SLC35F4: variants seen among roughly 807,000 people sequenced by gnomAD.
SLC35F4 encodes the protein chromosome 14 open reading frame 36.
In SLC35F4, 24 loss-of-function variants were observed where a neutral mutation model predicts 44.2. The ratio of observed to expected loss-of-function variants is 0.54; its 90% confidence interval spans 0.39 to 0.76. SLC35F4 has a LOEUF of 0.76. Among genes scored for constraint, SLC35F4 ranks in the 30% least tolerant of loss-of-function variants. The pLI is 0.00. For synonymous variants in SLC35F4, 238 were observed against 223.6 expected (o/e 1.06, Z -0.57); for missense variants, 562 against 586.1 (o/e 0.96, Z 0.42).
chr14:57,824,094 T>C (rs1883467178), intron 1 of SLC35F4, among the ~76,000 whole-genome samples: 1 of 152,176 alleles, frequency 6.6e-6, no homozygotes, highest in African/African-American at 2.4e-5. Flanking sequence ...TTAGATGATC[T>C]TTACTAGCCC....
chr14:57,683,531 G>A (rs1257502559), intron 1 of SLC35F4, among the ~76,000 whole-genome samples: 1 of 152,084 alleles, frequency 6.6e-6, no homozygotes, highest in Non-Finnish European at 1.5e-5. Flanking sequence ...ACTTGTCTAA[G>A]GGCTGGGTAT....
chr14:57,850,198 C>T (rs1003754), intron 1 of SLC35F4, among the ~76,000 whole-genome samples: 45,203 of 151,994 alleles, frequency 0.3, 8,776 homozygotes, highest in East Asian at 0.71. Context: ...AAAGTTGCAA[C>T]GTCAAGCAAA....
intron 1 of SLC35F4, among the ~76,000 whole-genome samples, chr14:57,924,536 C>T (rs929658933): frequency 6.6e-6 from 1 of 152,016 alleles, no homozygotes; most frequent in Non-Finnish European, 1.5e-5. Flanking sequence ...GCAAGCTCCG[C>T]CTCCTGGGTT....
intron 1 of SLC35F4, among the ~76,000 whole-genome samples, chr14:57,914,664 C>T (rs1889282459): frequency 6.6e-6 from 1 of 152,134 alleles, no homozygotes. Context: ...AAGATCCTGC[C>T]CCTCAGCACT....
chr14:57,612,855 C>T (rs1334836818), intron 1 of SLC35F4, among the ~76,000 whole-genome samples: 1 of 147,312 alleles, frequency 6.8e-6, no homozygotes, highest in Non-Finnish European at 1.5e-5. Context: ...TCTTATGCCT[C>T]CATGAAAGAA....
intron 1 of SLC35F4, among the ~76,000 whole-genome samples, chr14:57,737,933 T>C (rs62003376): frequency 6.6e-6 from 1 of 152,152 alleles, no homozygotes; most frequent in Non-Finnish European, 1.5e-5. Context: ...GTAGGGAAGA[T>C]TCAGCAAGTA....
chr14:57,587,164 A>C (rs569011971), intron 3 of SLC35F4, among the ~76,000 whole-genome samples: 1 of 152,212 alleles, frequency 6.6e-6, no homozygotes, highest in Non-Finnish European at 1.5e-5. Context: ...ATGCTTCTAC[A>C]CTGTTGGTGG....
chr14:57,626,390 G>C (rs1312529576), intron 1 of SLC35F4, among the ~76,000 whole-genome samples: 2 of 148,580 alleles, frequency 1.3e-5, no homozygotes, highest in Admixed American at 6.8e-5. Context: ...AAAAAATTCA[G>C]TCATATAGAA....
chr14:57,904,023 C>G (rs780665329), intron 1 of SLC35F4, among the ~76,000 whole-genome samples: 1 of 152,148 alleles, frequency 6.6e-6, no homozygotes, highest in Non-Finnish European at 1.5e-5. Flanking sequence ...GCTTTTAGAG[C>G]TTGTTATTAG....
chr14:57,650,512 A>G (rs1468027587), intron 1 of SLC35F4, among the ~76,000 whole-genome samples: 3 of 152,014 alleles, frequency 2.0e-5, no homozygotes, highest in Non-Finnish European at 4.4e-5. Flanking sequence ...TCTACTTCTC[A>G]CCATCTCTAT....
At position 57,614,570 on chromosome 14, in the gene SLC35F4, A is replaced by C. The variant is rs1309450097; in HGVS notation, c.104-20446T>G. Among the ~76,000 whole-genome samples the C allele has an allele frequency of 2.6e-5, 4 of 152,258 alleles. No individual in the cohort carries two copies. In the East Asian group the frequency reaches 7.7e-4, roughly 29 times the overall value. ...AGGATGAACAAATGACAGAATTTTT[A>C]ATAACTAAGAACAAGTTGAAAAAGA... On this transcript the variant is annotated intron_variant, in intron 1 of 7. Coordinates refer to ENST00000556826, the MANE Select transcript of SLC35F4 (RefSeq NM_001306087.2).
At chr14:57,800,226 C>T (rs574948104) in intron 1 of SLC35F4, among the ~76,000 whole-genome samples, 2 of 151,786 alleles carry the variant, frequency 1.3e-5, no homozygotes, top group Non-Finnish European at 2.9e-5. Flanking sequence ...AAACCAAGGC[C>T]GCTGGGGTCT....
Position 57,894,769 on chromosome 14 carries a change from G to T in SLC35F4, n.282+87144C>A, listed in dbSNP as rs957751478. Among the ~76,000 whole-genome samples, 10 of 150,974 alleles carry T rather than the reference G, an allele frequency of 6.6e-5. 1 individual carries two copies. The highest frequency in any genetic ancestry group is 4.6e-4 in the Admixed American group (7 of 15,234). Reference sequence around the variant, plus strand: ...AACCAATCAATAGTTTCAGCTTTTGGCATGGTTGCACTTGGTAAACTTAAT... The same window carrying T: ...AACCAATCAATAGTTTCAGCTTTTGTCATGGTTGCACTTGGTAAACTTAAT... On this transcript the variant is annotated intron_variant and non_coding_transcript_variant, in intron 1 of 1. Transcript: ENST00000556568.
Position 57,701,489 on chromosome 14 carries a change from T to C in SLC35F4, c.104-107365A>G, listed in dbSNP as rs542782173. On this transcript the variant is annotated intron_variant, in intron 1 of 7. Coordinates refer to ENST00000556826, the MANE Select transcript of SLC35F4 (RefSeq NM_001306087.2). ...TTTATTATCATTATCAAGTATTATA[T>C]ACCATACATAATTGTATGTTATATT... 5.9e-5 allele frequency among the ~76,000 whole-genome samples: 9 copies of C among 152,350 alleles called. No individual in the cohort carries two copies. In the South Asian group the frequency reaches 1.5e-3, roughly 25 times the overall value.
chr14:57,671,051 C>T (rs914145072), intron 1 of SLC35F4, among the ~76,000 whole-genome samples: 59 of 151,642 alleles, frequency 3.9e-4, no homozygotes, highest in African/African-American at 1.4e-3. Flanking sequence ...ACTATAGACA[C>T]ACACCACCAT....
At chr14:57,941,378 G>C (rs986436684) in intron 1 of SLC35F4, among the ~76,000 whole-genome samples, 3 of 152,200 alleles carry the variant, frequency 2.0e-5, no homozygotes, top group African/African-American at 7.2e-5. Context: ...ACTGATACAT[G>C]CTGTAACAAT....
intron 1 of SLC35F4, among the ~76,000 whole-genome samples, chr14:57,751,804 T>C (rs898678449): frequency 3.3e-5 from 5 of 152,344 alleles, no homozygotes; most frequent in South Asian, 2.1e-4. Context: ...TATGAGGGCA[T>C]TGACAGTTTT....
At chr14:57,737,878 C>A (rs980187696) in intron 1 of SLC35F4, among the ~76,000 whole-genome samples, 2 of 152,048 alleles carry the variant, frequency 1.3e-5, no homozygotes, top group African/African-American at 2.4e-5. Flanking sequence ...ATCTTCAACT[C>A]CAAAGTAAAT....
At chr14:57,911,866 C>T (rs1889221578) in intron 1 of SLC35F4, among the ~76,000 whole-genome samples, 1 of 151,892 alleles carries the variant, frequency 6.6e-6, no homozygotes, top group South Asian at 2.1e-4. Flanking sequence ...TAATTTCTTT[C>T]TTAACTGTTT....
Sources: gnomAD v4.1 joint callset for allele counts (sites outside exome capture counted in the v4.1 genomes callset) on GRCh38, gnomAD v4.1.1 for gene constraint, MANE v1.5 for transcripts, NCBI Gene and HGNC (gene_info 2026-07-23, HGNC 2026-07-21) for gene names.